Variants in ARPC1B observed in about 807,000 individuals in gnomAD.
ARPC1B encodes the protein actin related protein 2/3 complex subunit 1B.
ARPC1B carries 29 observed loss-of-function variants against 46.0 expected under a neutral mutation model. That is an observed-to-expected ratio of 0.63 (90% CI 0.47 to 0.86). ARPC1B has a LOEUF of 0.86. Among genes scored for constraint, ARPC1B ranks in the 40% least tolerant of loss-of-function variants. The pLI is 0.00. For missense variants in ARPC1B, 469 were observed against 529.4 expected (o/e 0.89, Z 1.12); for synonymous variants, 201 against 213.9 (o/e 0.94, Z 0.53).
At chr7:99,388,428 C>G (rs879498378) in intron 4 of ARPC1B, among the ~76,000 whole-genome samples, 167 bp downstream of exon 4, 1 of 152,140 alleles carries the variant, frequency 6.6e-6, no homozygotes, top group Non-Finnish European at 1.5e-5. Flanking sequence ...CTCTCTGCAG[C>G]GTCCGGATGT....
Position 99,390,894 on chromosome 7 carries a change from A to C in ARPC1B, c.502A>C (p.Ile168Leu), listed in dbSNP as rs1794550350. The C allele has an allele frequency of 1.2e-6, 2 of 1,602,404 alleles. No individual in the cohort carries two copies. The highest frequency in any genetic ancestry group is 4.5e-5 in the East Asian group (2 of 44,584). ...AAGSCDFKCR[I>L]FSAYIKEVEE... ...CCTCTACTTTGCCTATCCCGGTAGGATCTTTTCAGCCTACATCAAGGAGGT... is the reference window on the plus strand; with the variant it reads ...CCTCTACTTTGCCTATCCCGGTAGGCTCTTTTCAGCCTACATCAAGGAGGT... The change falls in exon 6 of 10, where the codon ATC becomes CTC. Residue 168 changes from isoleucine to leucine, a missense_variant and splice_region_variant. By Grantham distance (5) the Ile-to-Leu change is conservative. Transcript: ENST00000646101.
rs956167343 is a variant in ARPC1B at position 99,394,764 on chromosome 7, T to A, written c.*275T>A. 5.5e-5 allele frequency: 62 copies of A among 1,119,266 alleles called. No homozygotes were observed. In the African/African-American group the frequency reaches 6.1e-4, roughly 11 times the overall value. The allele number at this position is 1,119,266 out of a possible 1,614,324, so 69.3% of individuals were successfully genotyped here. On this transcript the variant is annotated 3_prime_UTR_variant, in exon 10 of 10. Coordinates refer to ENST00000646101, the MANE Select transcript of ARPC1B (RefSeq NM_005720.4). ...GAACTGCTTCAAAATGTGGAGGTAA[T>A]AAAATGCAACTGTGTAAAAAAAAAA... is the stretch of plus-strand genomic sequence containing the variant.
chr7:99,388,913 G>A (rs1247155543), intron 4 of ARPC1B: 1 of 149,578 alleles, frequency 6.7e-6, no homozygotes, highest in Non-Finnish European at 1.5e-5. Flanking sequence ...TTACAGGCGT[G>A]AGCCACCGTG....
chr7:99,390,607 T>C (rs2150895880), intron 5 of ARPC1B, among the ~76,000 whole-genome samples: 1 of 152,098 alleles, frequency 6.6e-6, no homozygotes, highest in Non-Finnish European at 1.5e-5. Flanking sequence ...CTCGAACCCC[T>C]GACTTCAAGT....
intron 8 of ARPC1B, among the ~76,000 whole-genome samples, 165 bp from the exon 9 acceptor site, chr7:99,393,864 G>T (rs1794667831): frequency 6.6e-6 from 1 of 152,146 alleles, no homozygotes; most frequent in Non-Finnish European, 1.5e-5. Flanking sequence ...CACCTCGCAT[G>T]CCACTGTCCC....
chr7:99,378,742 G>C (rs1037609977), intron 1 of ARPC1B, among the ~76,000 whole-genome samples: 1 of 148,866 alleles, frequency 6.7e-6, no homozygotes, highest in African/African-American at 2.5e-5. Context: ...CCAAATGGGT[G>C]TATGTGACCA....
At position 99,394,779 on chromosome 7, in the gene ARPC1B, TAAAAAAAAAAAA is replaced by T. The variant is rs773085531; in HGVS notation, c.*301_*312del. ...GTGGAGGTAATAAAATGCAACTGTGTAAAAAAAAAAAAAAAAAAAAAAGTAATTATGGACATG... is the reference window on the plus strand; with the variant it reads ...GTGGAGGTAATAAAATGCAACTGTGTAAAAAAAAAAGTAATTATGGACATG... On this transcript the variant is annotated 3_prime_UTR_variant, in exon 10 of 10. Coordinates refer to ENST00000646101, the MANE Select transcript of ARPC1B (RefSeq NM_005720.4). 4.9e-5 allele frequency: 47 copies of T among 958,258 alleles called. No individual in the cohort carries two copies. Among genetic ancestry groups the T allele is most frequent in the Non-Finnish European group, 5.8e-5 (47 of 809,332 alleles). 59.4% of individuals were successfully genotyped at this position (958,258 alleles called of 1,614,324 possible). A position where few individuals can be genotyped will look rare whatever the true frequency, so the allele number is the denominator to read the frequency against.
intron 2 of ARPC1B, 67 bp downstream of exon 2, chr7:99,385,845 C>T: frequency 6.7e-7 from 1 of 1,498,068 alleles, no homozygotes; most frequent in Non-Finnish European, 9.1e-7. Context: ...AGCCAGAGCA[C>T]ACATGGGGAC....
chr7:99,385,866 C>A, intron 2 of ARPC1B, 88 bp downstream of exon 2: 1 of 1,383,260 alleles, frequency 7.2e-7, no homozygotes, highest in Non-Finnish European at 9.9e-7. Flanking sequence ...TCTGGAGCAG[C>A]CAGGCCCCCG....
intron 1 of ARPC1B, among the ~76,000 whole-genome samples, chr7:99,375,524 G>T (rs940763984): frequency 1.3e-5 from 2 of 152,128 alleles, no homozygotes; most frequent in African/African-American, 4.8e-5. Flanking sequence ...GCCTAGGGCG[G>T]GGCGGGGCCG....
intron 1 of ARPC1B, among the ~76,000 whole-genome samples, chr7:99,377,871 G>A (rs1794075654): frequency 6.6e-6 from 1 of 151,900 alleles, no homozygotes; most frequent in African/African-American, 2.4e-5. Flanking sequence ...GACCTCAGGT[G>A]ATCCACCTGC....
chr7:99,375,514 G>T (rs1337378076), intron 1 of ARPC1B, among the ~76,000 whole-genome samples: 1 of 152,200 alleles, frequency 6.6e-6, no homozygotes, highest in Admixed American at 6.5e-5. Flanking sequence ...CAGCCAGGCC[G>T]CCTAGGGCGG....
At chr7:99,379,165 A>C (rs1379175395) in intron 1 of ARPC1B, among the ~76,000 whole-genome samples, 2 of 152,170 alleles carry the variant, frequency 1.3e-5, no homozygotes, top group Non-Finnish European at 2.9e-5. Flanking sequence ...GCCCTTCAGA[A>C]GAATTAAACC....
intron 1 of ARPC1B, among the ~76,000 whole-genome samples, chr7:99,382,174 A>G (rs964861866): frequency 6.6e-6 from 1 of 152,172 alleles, no homozygotes; most frequent in African/African-American, 2.4e-5. Context: ...GCGGTGGCTC[A>G]TGCCTGTAAT....
rs1397045064 is a variant in ARPC1B at position 99,391,158 on chromosome 7, TCA to T, written c.708-17_708-16del. 6.2e-7 allele frequency: 1 copy of T among 1,613,702 alleles called. No individual in the cohort carries two copies. The highest frequency in any genetic ancestry group is 1.3e-5 in the African/African-American group (1 of 75,012). ...GTGCAGAGGAGTGGGACACCGTGAC[TCA>T]CAGCTCTCTCCCCTCAGCGTCGCGA... On this transcript the variant is annotated intron_variant, in intron 6 of 9. Transcript: ENST00000646101.
intron 1 of ARPC1B, among the ~76,000 whole-genome samples, chr7:99,380,468 G>T (rs1794179483): frequency 6.6e-6 from 1 of 152,212 alleles, no homozygotes; most frequent in Non-Finnish European, 1.5e-5. Flanking sequence ...AAGTATTTCT[G>T]CTAATTCATG....
chr7:99,392,755 C>T lies in ARPC1B; in HGVS notation c.868C>T (p.Gln290Ter). 1.3e-6 allele frequency: 2 copies of T among 1,549,758 alleles called. No homozygotes were observed. The highest frequency in any genetic ancestry group is 1.2e-5 in the South Asian group (1 of 84,044). ...CGGCGGGCGGCTGGACGTTCCTAAG[C>T]AGAGCTCGCAGCGTGGCTTGACGGC... ...SFGGRLDVPK[Q>*]SSQRGLTARE... is the part of the protein sequence containing the mutation. The change falls in exon 8 of 10, where the codon CAG becomes TAG. Residue 290 changes from glutamine to a stop codon, truncating the protein, a stop_gained. Coordinates refer to ENST00000646101, the MANE Select transcript of ARPC1B (RefSeq NM_005720.4). LOFTEE classifies it high-confidence loss of function.
chr7:99,386,505 CAGG>C (rs1181694146), intron 2 of ARPC1B, 177 bp from the exon 3 acceptor site: 7 of 702,462 alleles, frequency 1.0e-5, no homozygotes, highest in African/African-American at 7.0e-5. Flanking sequence ...CAGCCAGTTC[CAGG>C]AGAAGACAGG....
Position 99,394,779 on chromosome 7 carries a change from T to TTAAAAA in ARPC1B, c.*290_*291insTAAAAA. The TTAAAAA allele has an allele frequency of 1.0e-6, 1 of 957,548 alleles. No homozygotes were observed. The highest frequency in any genetic ancestry group is 5.3e-5 in the South Asian group (1 of 18,738). The allele number at this position is 957,548 out of a possible 1,614,324, so 59.3% of individuals were successfully genotyped here. A position where few individuals can be genotyped will look rare whatever the true frequency, so the allele number is the denominator to read the frequency against. ...GTGGAGGTAATAAAATGCAACTGTG[T>TTAAAAA]AAAAAAAAAAAAAAAAAAAAAAGTA... On this transcript the variant is annotated 3_prime_UTR_variant, in exon 10 of 10. Transcript: ENST00000646101.
Sources: allele counts gnomAD v4.1 joint callset (sites outside exome capture counted in the v4.1 genomes callset), GRCh38; gene constraint gnomAD v4.1.1; transcripts MANE v1.5; gene names NCBI Gene and HGNC (gene_info 2026-07-23, HGNC 2026-07-21).